The following UHRF2 variants were observed in gnomAD, a reference collection of about 807,000 sequenced individuals.
The protein encoded by UHRF2 is E3 ubiquitin-protein ligase UHRF2.
In UHRF2, 23 loss-of-function variants were observed where a neutral mutation model predicts 96.8. The ratio of observed to expected loss-of-function variants is 0.24; its 90% CI spans 0.17 to 0.34. UHRF2 has a LOEUF of 0.34. UHRF2 is among the 10% of genes least tolerant of loss of function. UHRF2 has a pLI of 1.00. For missense variants in UHRF2, 685 were observed against 981.5 expected (o/e 0.70, Z 4.04); for synonymous variants, 385 against 332.6 (o/e 1.16, Z -1.72).
At chr9:6,452,656 A>G (rs1487196789) in intron 3 of UHRF2, among the ~76,000 whole-genome samples, 1 of 152,226 alleles carries the variant, frequency 6.6e-6, no homozygotes, top group Non-Finnish European at 1.5e-5. Flanking sequence ...AAGTAACTGG[A>G]TAAAGGCAAC....
At chr9:6,431,103 A>T (rs1343446752) in intron 2 of UHRF2, among the ~76,000 whole-genome samples, 2 of 152,154 alleles carry the variant, frequency 1.3e-5, no homozygotes, top group African/African-American at 2.4e-5. Flanking sequence ...TTTCCTCTGA[A>T]CTGCCTTTAA....
chr9:6,434,137 CTGATGAAGACGTTAT>C lies in UHRF2; in HGVS notation c.610_624del (p.Asp204_Ile208del). 1 of 1,613,992 alleles carries C rather than the reference CTGATGAAGACGTTAT, an allele frequency of 6.2e-7. No homozygotes were observed. The highest frequency in any genetic ancestry group is 8.5e-7 in the Non-Finnish European group (1 of 1,179,982). Reference sequence around the variant, plus strand: ...ACGTCTAATTCAGACTGTGTTGCTGCTGATGAAGACGTTATTTACCATATCCAGTATGATGAGTAA... The same window carrying C: ...ACGTCTAATTCAGACTGTGTTGCTGCTTACCATATCCAGTATGATGAGTAA... On this transcript the variant is annotated inframe_deletion, in exon 3 of 16. Coordinates refer to ENST00000276893, the MANE Select transcript of UHRF2 (RefSeq NM_152896.3).
intron 3 of UHRF2, among the ~76,000 whole-genome samples, chr9:6,435,365 A>G (rs546233597): frequency 6.6e-6 from 1 of 152,240 alleles, no homozygotes; most frequent in African/African-American, 2.4e-5. Flanking sequence ...GGCTCAAGTG[A>G]TCCTCCCACC....
chr9:6,505,922 C>T (rs887038472), intron 15 of UHRF2, 111 bp from the exon 16 acceptor site: 1 of 1,116,218 alleles, frequency 9.0e-7, no homozygotes, highest in African/African-American at 1.5e-5. Flanking sequence ...TTTGTTCATT[C>T]TGTACATTTC....
chr9:6,417,149 C>T (rs1454890897), intron 1 of UHRF2, among the ~76,000 whole-genome samples: 1 of 152,110 alleles, frequency 6.6e-6, no homozygotes, highest in Non-Finnish European at 1.5e-5. Flanking sequence ...GGAATGACTT[C>T]CCACTGCCCT....
At chr9:6,477,846 G>T (rs754171599) in intron 6 of UHRF2, 38 bp downstream of exon 6, 4 of 1,506,686 alleles carry the variant, frequency 2.7e-6, no homozygotes, top group Admixed American at 2.0e-5. Context: ...TGTTCTTGCT[G>T]TGTAAACATG....
At chr9:6,437,368 G>A (rs536975649) in intron 3 of UHRF2, among the ~76,000 whole-genome samples, 15 of 152,086 alleles carry the variant, frequency 9.9e-5, no homozygotes, top group African/African-American at 1.4e-4. Context: ...GAGTACCTGG[G>A]ATGACAGGTG....
At chr9:6,493,980 C>T (rs959494039) in intron 10 of UHRF2, 48 bp downstream of exon 10, 1 of 1,505,700 alleles carries the variant, frequency 6.6e-7, no homozygotes, top group African/African-American at 1.4e-5. Context: ...ATAAAAGTTT[C>T]ATTATAGGAC....
intron 3 of UHRF2, among the ~76,000 whole-genome samples, chr9:6,437,243 T>C (rs1468624683): frequency 6.6e-6 from 1 of 152,226 alleles, no homozygotes; most frequent in African/African-American, 2.4e-5. Context: ...TTTATTATTA[T>C]TATTTTTTAG....
chr9:6,448,542 A>G (rs1821659005), intron 3 of UHRF2, among the ~76,000 whole-genome samples: 1 of 152,224 alleles, frequency 6.6e-6, no homozygotes, highest in South Asian at 2.1e-4. Context: ...TGGGGATAGA[A>G]TAATGCCAGA....
intron 1 of UHRF2, among the ~76,000 whole-genome samples, chr9:6,418,807 C>T (rs1021531507): frequency 1.3e-5 from 2 of 152,062 alleles, no homozygotes; most frequent in East Asian, 3.9e-4. Flanking sequence ...TACTAATGTA[C>T]CAAAACCTGG....
chr9:6,477,581 A>G (rs1316336234), intron 5 of UHRF2, 41 bp from the exon 6 acceptor site: 1 of 1,519,588 alleles, frequency 6.6e-7, no homozygotes, highest in Non-Finnish European at 8.9e-7. Flanking sequence ...GATATAAAAA[A>G]TGTTTTAAGA....
rs576958177 is a variant in UHRF2, at chr9:6,478,302, C to T, written c.1160+494C>T. ...TTACCCTCTTTGGTTAACTTCAAGACGATACTAATCCTTCAGCTTTTCAGT... is the reference window on the plus strand; with the variant it reads ...TTACCCTCTTTGGTTAACTTCAAGATGATACTAATCCTTCAGCTTTTCAGT... On this transcript the variant is annotated intron_variant, in intron 6 of 15. Transcript: ENST00000276893. Among the ~76,000 whole-genome samples, 11 of 152,354 alleles carry T rather than the reference C, an allele frequency of 7.2e-5. No homozygotes were observed. The East Asian group carries it at 9.6e-4, about 13-fold the overall frequency.
chr9:6,444,319 T>A (rs1821360784), intron 3 of UHRF2, among the ~76,000 whole-genome samples: 2 of 152,206 alleles, frequency 1.3e-5, no homozygotes, highest in Non-Finnish European at 2.9e-5. Context: ...GGCTCCTGAG[T>A]GGATGGTAAT....
intron 12 of UHRF2, 133 bp from the exon 13 acceptor site, chr9:6,499,702 C>G (rs1290142245): frequency 2.0e-6 from 1 of 505,966 alleles, no homozygotes; most frequent in African/African-American, 2.0e-5. Context: ...ATGTCTGTTT[C>G]TTTTATGTAA....
chr9:6,493,100 C>G (rs1458946287), intron 9 of UHRF2, among the ~76,000 whole-genome samples: 3 of 151,986 alleles, frequency 2.0e-5, no homozygotes, highest in Admixed American at 2.0e-4. Flanking sequence ...GAGTTGGAGA[C>G]CAACATGGCC....
chr9:6,450,478 G>A (rs2130816869), intron 3 of UHRF2, among the ~76,000 whole-genome samples: 1 of 152,142 alleles, frequency 6.6e-6, no homozygotes, highest in East Asian at 1.9e-4. Context: ...TGTTAGATAA[G>A]ACTACTTGAG....
intron 3 of UHRF2, among the ~76,000 whole-genome samples, chr9:6,446,942 G>A (rs931802634): frequency 1.1e-4 from 17 of 152,074 alleles, no homozygotes; most frequent in African/African-American, 4.1e-4. Context: ...AGGCTGGAGT[G>A]CAGTAGCACA....
intron 3 of UHRF2, among the ~76,000 whole-genome samples, chr9:6,437,178 G>C (rs1820901436): frequency 6.6e-6 from 1 of 152,130 alleles, no homozygotes; most frequent in Non-Finnish European, 1.5e-5. Context: ...TTGAATGGAG[G>C]ATGCATTGAA....
Sources: gnomAD v4.1 joint callset for allele counts (sites outside exome capture counted in the v4.1 genomes callset) on GRCh38, gnomAD v4.1.1 for gene constraint, MANE v1.5 for transcripts, NCBI Gene and HGNC (gene_info 2026-07-23, HGNC 2026-07-21) for gene names.